SDK2: variants seen among roughly 807,000 people sequenced by gnomAD.
SDK2 encodes the protein protein sidekick-2.
SDK2 carries 105 observed loss-of-function variants against 253.9 expected under a neutral mutation model. The ratio of observed to expected loss-of-function variants is 0.41; its 90% CI spans 0.35 to 0.49. The LOEUF (loss-of-function observed/expected upper bound fraction) is 0.49, where lower values mean the gene tolerates loss of function less well. Among genes scored for constraint, SDK2 ranks in the 20% least tolerant of loss-of-function variants. The pLI is 0.06. For missense variants in SDK2, 2,608 were observed against 3,003.0 expected (o/e 0.87, Z 3.07); for synonymous variants, 1,249 against 1,234.9 (o/e 1.01, Z -0.24).
At chr17:73,503,803 G>C (rs1351519765) in intron 2 of SDK2, among the ~76,000 whole-genome samples, 1 of 152,240 alleles carries the variant, frequency 6.6e-6, no homozygotes, top group Non-Finnish European at 1.5e-5. Flanking sequence ...CACCACGACT[G>C]GTCAGGGATG....
intron 2 of SDK2, among the ~76,000 whole-genome samples, chr17:73,492,277 T>A (rs1029647467): frequency 1.3e-5 from 2 of 152,118 alleles, no homozygotes; most frequent in Non-Finnish European, 2.9e-5. Flanking sequence ...TAAGCAGCAG[T>A]AGGTAGCTGA....
At chr17:73,553,960 T>G (rs2045104126) in intron 1 of SDK2, among the ~76,000 whole-genome samples, 1 of 152,022 alleles carries the variant, frequency 6.6e-6, no homozygotes, top group South Asian at 2.1e-4. Flanking sequence ...TTCTTCCCAT[T>G]GAGGAGAGGA....
Position 73,422,430 on chromosome 17 carries a change from G to A in SDK2, c.1902C>T (p.Ala634=), listed in dbSNP as rs201621565. The A allele has an allele frequency of 9.5e-5, 153 of 1,613,846 alleles. 1 individual carries two copies. In the East Asian group the frequency reaches 3.3e-3, roughly 35 times the overall value. The change falls in exon 15 of 45, where the codon GCC becomes GCT. Residue 634 remains alanine, a synonymous_variant. Transcript: ENST00000392650. ...CACTGGCCAGGAGTACAGTCCAGGG[G>A]GCATCTGCAGGGACAGTGAGTGGGG... is the stretch of plus-strand genomic sequence containing the variant. ...RYILEMSENN[A]PWTVLLASVD... is the part of the protein sequence containing the mutation.
chr17:73,406,244 CTCTT>C (rs1464298789), intron 18 of SDK2, among the ~76,000 whole-genome samples: 1 of 86,048 alleles, frequency 1.2e-5, no homozygotes, highest in Non-Finnish European at 3.1e-5. Context: ...GCCTACTACA[CTCTT>C]TTTTTTTTTT....
intron 1 of SDK2, among the ~76,000 whole-genome samples, chr17:73,571,884 C>A (rs1359728472): frequency 6.6e-6 from 1 of 152,194 alleles, no homozygotes; most frequent in Non-Finnish European, 1.5e-5. Context: ...CCCCAGGTGC[C>A]CCCTTGACAA....
intron 1 of SDK2, among the ~76,000 whole-genome samples, chr17:73,572,892 T>A (rs913516050): frequency 3.9e-5 from 6 of 152,154 alleles, no homozygotes; most frequent in African/African-American, 1.4e-4. Flanking sequence ...CCGGGGAGCC[T>A]CCCAGCGCCG....
At chr17:73,378,610 G>A (rs1196159051) in intron 36 of SDK2, among the ~76,000 whole-genome samples, 2 of 151,890 alleles carry the variant, frequency 1.3e-5, no homozygotes, top group Non-Finnish European at 2.9e-5. Context: ...AGTAGAGATG[G>A]GGTTTCACCA....
intron 19 of SDK2, 39 bp downstream of exon 19, chr17:73,401,907 C>CGG (rs367964387): frequency 9.6e-5 from 136 of 1,414,094 alleles, no homozygotes; most frequent in African/African-American, 4.4e-4. Flanking sequence ...TGGCCTTGGG[C>CGG]GGGGGGGGGC....
chr17:73,362,476 G>A (rs1276950373), intron 38 of SDK2, among the ~76,000 whole-genome samples: 2 of 150,228 alleles, frequency 1.3e-5, no homozygotes, highest in Non-Finnish European at 2.9e-5. Context: ...CTGTAGCCTC[G>A]ACCTCCTGGG....
intron 1 of SDK2, among the ~76,000 whole-genome samples, chr17:73,576,712 T>G (rs1599693918): frequency 1.3e-5 from 2 of 151,762 alleles, no homozygotes; most frequent in Middle Eastern, 3.2e-3. Flanking sequence ...GGCCAGGGGG[T>G]TGCCAGTACC....
chr17:73,417,864 G>C (rs542479277), intron 16 of SDK2, among the ~76,000 whole-genome samples: 12 of 152,036 alleles, frequency 7.9e-5, no homozygotes, highest in Non-Finnish European at 1.6e-4. Flanking sequence ...CACAAAGGAT[G>C]GGTCATTCAT....
At chr17:73,416,318 T>C (rs943466813) in intron 16 of SDK2, among the ~76,000 whole-genome samples, 19 of 148,384 alleles carry the variant, frequency 1.3e-4, no homozygotes, top group Admixed American at 4.1e-4. Flanking sequence ...TGCCTCAGCC[T>C]CCCTGAGTAG....
chr17:73,549,827 G>A (rs2045026391), intron 1 of SDK2, among the ~76,000 whole-genome samples: 2 of 152,088 alleles, frequency 1.3e-5, no homozygotes, highest in South Asian at 4.1e-4. Flanking sequence ...GGCACTGAAG[G>A]GTTTCAGCAG....
At chr17:73,387,697 C>G (rs73999027) in intron 30 of SDK2, 139 bp downstream of exon 30, 1 of 705,944 alleles carries the variant, frequency 1.4e-6, no homozygotes, top group Non-Finnish European at 2.3e-6. Flanking sequence ...ACGCGGGGGC[C>G]GCCTGGGTGG....
chr17:73,388,004 T>A lies in SDK2; in HGVS notation c.4226A>T (p.Gln1409Leu). The A allele has an allele frequency of 6.4e-7, 1 of 1,569,570 alleles. No individual in the cohort carries two copies. The highest frequency in any genetic ancestry group is 8.6e-7 in the Non-Finnish European group (1 of 1,158,124). ...GCTGCGTGCTCTCACATCCTCCTGC[T>A]GCACCATCGGCCTGCTGGGGGGCTG... is the stretch of plus-strand genomic sequence containing the variant. Reference protein sequence around the residue: ...RPQPPSRPMVQQEDVRARSVL... With the variant: ...RPQPPSRPMVLQEDVRARSVL... Residue 1409 changes from glutamine to leucine, a missense_variant, in exon 30 of 45, where the codon CAG becomes CTG. This residue lies in a region of SDK2 where 1,103 missense variants were observed against 1,143.9 expected (regional missense o/e 0.96). Coordinates refer to ENST00000392650, the MANE Select transcript of SDK2 (RefSeq NM_001144952.2).
intron 1 of SDK2, among the ~76,000 whole-genome samples, chr17:73,622,633 C>A (rs939944408): frequency 2.0e-4 from 31 of 152,198 alleles, no homozygotes; most frequent in Non-Finnish European, 4.4e-5. Flanking sequence ...CGTAGAGACA[C>A]TTAGGGAAAG....
At chr17:73,448,547 G>A (rs1180080383) in intron 4 of SDK2, among the ~76,000 whole-genome samples, 1 of 151,634 alleles carries the variant, frequency 6.6e-6, no homozygotes, top group Non-Finnish European at 1.5e-5. Context: ...TGTATTTTTA[G>A]TAGGGACAGG....
chr17:73,594,052 G>A (rs538922874), intron 1 of SDK2, among the ~76,000 whole-genome samples: 3 of 152,306 alleles, frequency 2.0e-5, no homozygotes, highest in Admixed American at 2.0e-4. Flanking sequence ...AAATATGTCT[G>A]GAATTCCAAT....
At chr17:73,504,631 CAAAA>C (rs146981971) in intron 2 of SDK2, among the ~76,000 whole-genome samples, 1 of 47,028 alleles carries the variant, frequency 2.1e-5, no homozygotes, top group East Asian at 6.7e-4. Context: ...GACTCTGTCT[CAAAA>C]AAAAAAAAAA....
Sources: gnomAD v4.1 joint callset for allele counts (sites outside exome capture counted in the v4.1 genomes callset) on GRCh38, gnomAD v4.1.1 for gene constraint, gnomAD v4.1.1 regional missense constraint, MANE v1.5 for transcripts, NCBI Gene and HGNC (gene_info 2026-07-23, HGNC 2026-07-21) for gene names.